MAP2K5: variants seen among roughly 807,000 people sequenced by gnomAD.
MAP2K5 encodes mitogen-activated protein kinase kinase 5, also known as dual specificity mitogen-activated protein kinase kinase 5.
Under a neutral mutation model 83.1 loss-of-function variants are expected in MAP2K5, and 49 were observed. That is an observed-to-expected ratio of 0.59 (90% CI 0.47 to 0.75). The LOEUF (loss-of-function observed/expected upper bound fraction) is 0.75. Ranked by LOEUF, MAP2K5 falls within the 30% of genes least tolerant of loss-of-function variation. The probability of loss-of-function intolerance (pLI) is 0.00; values close to 1 mark genes in which losing one functional copy is unlikely to be tolerated. For missense variants in MAP2K5, 457 were observed against 557.5 expected (o/e 0.82, Z 1.82); for synonymous variants, 202 against 191.8 (o/e 1.05, Z -0.44).
At chr15:67,776,978 C>G (rs1180987145) in intron 21 of MAP2K5, among the ~76,000 whole-genome samples, 1 of 152,230 alleles carries the variant, frequency 6.6e-6, no homozygotes, top group East Asian at 1.9e-4. Flanking sequence ...CCGAAGTTAT[C>G]TATGCATGTG....
intron 13 of MAP2K5, among the ~76,000 whole-genome samples, chr15:67,672,452 A>G (rs1388301629): frequency 6.6e-6 from 1 of 151,868 alleles, no homozygotes; most frequent in East Asian, 1.9e-4. Context: ...GGCTGCATAA[A>G]TGTCTTCTTT....
chr15:67,788,413 T>A (rs1347447924), intron 21 of MAP2K5, among the ~76,000 whole-genome samples: 1 of 152,168 alleles, frequency 6.6e-6, no homozygotes, highest in African/African-American at 2.4e-5. Context: ...GGAAAGTATT[T>A]CTCTATTTTA....
chr15:67,673,040 T>A, intron 13 of MAP2K5, among the ~76,000 whole-genome samples: 1 of 152,222 alleles, frequency 6.6e-6, no homozygotes, highest in African/African-American at 2.4e-5. Flanking sequence ...TTGGTACCAG[T>A]ACCATGCTGT....
chr15:67,805,565 G>T (rs1279659575), intron 21 of MAP2K5, among the ~76,000 whole-genome samples: 1 of 151,470 alleles, frequency 6.6e-6, no homozygotes, highest in African/African-American at 2.4e-5. Flanking sequence ...TGGAGGACAG[G>T]CCCAAGAGGG....
intron 7 of MAP2K5, among the ~76,000 whole-genome samples, chr15:67,596,939 A>G (rs1052165524): frequency 6.6e-6 from 1 of 152,204 alleles, no homozygotes; most frequent in Non-Finnish European, 1.5e-5. Flanking sequence ...TGGGAGGCCG[A>G]GTCGGGCGGA....
intron 9 of MAP2K5, among the ~76,000 whole-genome samples, chr15:67,634,367 C>CAAAAAAAAAAAAAAAAAAAAAAAAAAAAA (rs71142390): frequency 6.2e-5 from 3 of 48,578 alleles, no homozygotes; most frequent in African/African-American, 1.4e-4. Context: ...GACCTCATCT[C>CAAAAAAAAAAAAAAAAAAAAAAAAAAAAA]AAAAAAAAAA....
At chr15:67,641,717 C>T (rs556959497) in intron 9 of MAP2K5, 1 of 702,458 alleles carries the variant, frequency 1.4e-6, no homozygotes, top group Non-Finnish European at 1.8e-6. Flanking sequence ...CAAATTCTTT[C>T]CAGTTTGAAA....
At chr15:67,734,915 C>T (rs1369120964) in intron 17 of MAP2K5, among the ~76,000 whole-genome samples, 2 of 152,174 alleles carry the variant, frequency 1.3e-5, no homozygotes, top group Non-Finnish European at 2.9e-5. Flanking sequence ...GGGCACTATG[C>T]ATGCAATTTT....
intron 16 of MAP2K5, among the ~76,000 whole-genome samples, chr15:67,711,460 G>A (rs1225920380): frequency 6.6e-6 from 1 of 152,132 alleles, no homozygotes; most frequent in East Asian, 1.9e-4. Flanking sequence ...TCTTTAGATG[G>A]GAGATCTATT....
intron 17 of MAP2K5, among the ~76,000 whole-genome samples, chr15:67,744,817 T>C (rs2141269471): frequency 6.6e-6 from 1 of 151,418 alleles, no homozygotes; most frequent in South Asian, 2.1e-4. Context: ...AGTCATGTTA[T>C]AAGAATTTTC....
chr15:67,588,293 G>A (rs1023744640), intron 6 of MAP2K5, among the ~76,000 whole-genome samples: 1 of 152,070 alleles, frequency 6.6e-6, no homozygotes, highest in South Asian at 2.1e-4. Flanking sequence ...ACATTTTCCC[G>A]TTTTCCTGTT....
chr15:67,571,194 A>G (rs2084940896), intron 3 of MAP2K5, among the ~76,000 whole-genome samples: 1 of 152,190 alleles, frequency 6.6e-6, no homozygotes, highest in Non-Finnish European at 1.5e-5. Flanking sequence ...GAAAATCTGT[A>G]GGAAGTTGTT....
At chr15:67,646,179 A>G in intron 9 of MAP2K5, 52 bp from the exon 10 acceptor site, 1 of 753,396 alleles carries the variant, frequency 1.3e-6, no homozygotes, top group Non-Finnish European at 2.2e-6. Context: ...CATAGTGATT[A>G]TAACTAATAT....
intron 1 of MAP2K5, chr15:67,546,541 C>G (rs2084392412): frequency 5.1e-6 from 5 of 977,882 alleles, no homozygotes; most frequent in Non-Finnish European, 6.1e-6. Context: ...TTGTCTGAAT[C>G]ATCAGGGACT....
chr15:67,600,679 G>A lies in MAP2K5; in HGVS notation c.481-6G>A. On this transcript the variant is annotated splice_region_variant and splice_polypyrimidine_tract_variant and intron_variant, in intron 7 of 21. Coordinates refer to ENST00000178640, the MANE Select transcript of MAP2K5 (RefSeq NM_145160.3). ...CCCTTTTTGTTTTTCTTTCTTTCTT[G>A]TGGAGATGAATGAACAAGACATACG... The A allele has an allele frequency of 1.2e-6, 2 of 1,607,036 alleles. No individual in the cohort carries two copies. The highest frequency in any genetic ancestry group is 8.5e-7 in the Non-Finnish European group (1 of 1,177,400).
At position 67,774,706 on chromosome 15, in the gene MAP2K5, G is replaced by A. The variant is rs1040139674; in HGVS notation, c.1242+1954G>A. On this transcript the variant is annotated intron_variant, in intron 21 of 21. Transcript: ENST00000178640. This position sits in a 1 kb window ranked among gnomAD's most constrained non-coding sequence, Gnocchi z 4.9. ...TATTTGATGGTGCTCCCATCTGGAA[G>A]CCGAGAGACTCCTCTGGAATGCATG... 2.6e-5 allele frequency among the ~76,000 whole-genome samples: 4 copies of A among 152,168 alleles called. No individual in the cohort carries two copies. The highest frequency in any genetic ancestry group is 6.5e-5 in the Admixed American group (1 of 15,286).
In MAP2K5 at chr15:67,748,288, C is replaced by T. The variant is rs879129623; in HGVS notation, c.1101+31C>T. 6.4e-7 allele frequency: 1 copy of T among 1,573,542 alleles called. No individual in the cohort carries two copies. The highest frequency in any genetic ancestry group is 1.1e-5 in the South Asian group (1 of 88,594). On this transcript the variant is annotated intron_variant, in intron 18 of 21. Coordinates refer to ENST00000178640, the MANE Select transcript of MAP2K5 (RefSeq NM_145160.3). The surrounding 1 kb of genome is among the most constrained non-coding windows in gnomAD (Gnocchi z 4.0). ...CTTTATGAGTTCAGAAAAAAATTCA[C>T]TTTTCTTTTTCCTGATGGCTGCTTC...
chr15:67,752,972 TC>T (rs1485925675), intron 19 of MAP2K5, among the ~76,000 whole-genome samples: 2 of 151,384 alleles, frequency 1.3e-5, no homozygotes, highest in African/African-American at 4.9e-5. Context: ...ATTACACTGA[TC>T]AAGATAGTAT....
At chr15:67,610,689 A>G (rs749120481) in intron 8 of MAP2K5, among the ~76,000 whole-genome samples, 2 of 152,152 alleles carry the variant, frequency 1.3e-5, no homozygotes, top group African/African-American at 2.4e-5. Flanking sequence ...ACTAGAGTGA[A>G]ATATGTTTAG....
Sources: allele counts gnomAD v4.1 joint callset (sites outside exome capture counted in the v4.1 genomes callset), GRCh38; gene constraint gnomAD v4.1.1; non-coding constraint Gnocchi (gnomAD v3.1); transcripts MANE v1.5; gene names NCBI Gene and HGNC (gene_info 2026-07-23, HGNC 2026-07-21).